SPSB2: variants seen among roughly 807,000 people sequenced by gnomAD.
SPSB2 encodes the protein splA/ryanodine receptor domain and SOCS box containing 2.
A neutral mutation model predicts 19.2 loss-of-function variants in SPSB2; 25 were observed. The ratio of observed to expected loss-of-function variants is 1.30; its 90% CI spans 0.95 to 1.82. The LOEUF (loss-of-function observed/expected upper bound fraction) is 1.82, where lower values mean the gene tolerates loss of function less well. Ranked by LOEUF, SPSB2 falls within the 40% of genes most tolerant of loss-of-function variation. SPSB2 has a pLI of 0.00. For synonymous variants in SPSB2, 153 were observed against 154.9 expected (o/e 0.99, Z 0.09); for missense variants, 413 against 344.9 (o/e 1.20, Z -1.56).
chr12:6,871,107 C>T lies in SPSB2; in HGVS notation c.*85G>A. 6.6e-6 allele frequency: 10 copies of T among 1,517,514 alleles called. No individual in the cohort carries two copies. Among genetic ancestry groups the T allele is most frequent in the Non-Finnish European group, 8.9e-6 (10 of 1,121,204 alleles). The allele number at this position is 1,517,514 out of a possible 1,614,324, so 94.0% of individuals were successfully genotyped here. A position where few individuals can be genotyped will look rare whatever the true frequency, so the allele number is the denominator to read the frequency against. ...GCTCAGCCTCACCAGCTTTCAGCAG[C>T]TGGTCTAGGCCAGCAGTGCCTCCCC... On this transcript the variant is annotated 3_prime_UTR_variant, in exon 3 of 3. Transcript: ENST00000524270.
chr12:6,872,425 C>A lies in SPSB2; in HGVS notation c.477G>T (p.Glu159Asp). 3 of 1,614,250 alleles carry A rather than the reference C, an allele frequency of 1.9e-6. No homozygotes were observed. The highest frequency in any genetic ancestry group is 2.5e-6 in the Non-Finnish European group (3 of 1,180,040). Residue 159 changes from glutamate (E) to aspartate (D), a missense_variant, in exon 2 of 3, where the codon GAG (glutamate) becomes GAT (aspartate). By Grantham distance (45) the Glu-to-Asp change is conservative (BLOSUM62 2). Transcript: ENST00000524270. Reference sequence around the variant, plus strand: ...GCAGTCTCTCTGGCACCTCCAGCTGCTCACCCTGAGTTCCCGCTGGATACT... The same window carrying A: ...GCAGTCTCTCTGGCACCTCCAGCTGATCACCCTGAGTTCCCGCTGGATACT... ...APQYPAGTQG[E>D]QLEVPERLLV... is the part of the protein sequence containing the mutation.
Position 6,872,758 on chromosome 12 carries a change from C to T in SPSB2, c.144G>A (p.Trp48Ter). ...PDLGAQRRHGWNPKDCSENIE... is the reference protein window; with the variant it reads ...PDLGAQRRHG ...TGTTCTCTGAACAGTCTTTGGGGTT[C>T]CAACCGTGGCGCCGCTGGGCCCCCA... The change falls in exon 2 of 3, where the codon TGG becomes TGA. Residue 48 changes from tryptophan (W) to a stop codon, truncating the protein, a stop_gained. Transcript: ENST00000524270. LOFTEE classifies it high-confidence loss of function. 6.2e-7 allele frequency: 1 copy of T among 1,612,616 alleles called. No homozygotes were observed. The highest frequency in any genetic ancestry group is 8.5e-7 in the Non-Finnish European group (1 of 1,180,036).
Position 6,871,117 on chromosome 12 carries a change from C to T in SPSB2, c.*75G>A, listed in dbSNP as rs782758876. 18 of 1,536,814 alleles carry T rather than the reference C, an allele frequency of 1.2e-5. No homozygotes were observed. The highest frequency in any genetic ancestry group is 1.6e-5 in the Non-Finnish European group (18 of 1,136,680). ...ACCAGCTTTCAGCAGCTGGTCTAGG[C>T]CAGCAGTGCCTCCCCACCTCCCCAA... On this transcript the variant is annotated 3_prime_UTR_variant, in exon 3 of 3. Coordinates refer to ENST00000524270, the MANE Select transcript of SPSB2 (RefSeq NM_032641.4).
chr12:6,872,626 C>G lies in SPSB2; in HGVS notation c.276G>C (p.Glu92Asp), dbSNP rs1555134022. ...RGYSRGLHAWEISWPLEQRGT... is the reference protein window; with the variant it reads ...RGYSRGLHAWDISWPLEQRGT... ...CCCTCTGCTCTAGGGGCCAGCTGATCTCCCAGGCGTGCAGGCCCCTTGAAT... is the reference window on the plus strand; with the variant it reads ...CCCTCTGCTCTAGGGGCCAGCTGATGTCCCAGGCGTGCAGGCCCCTTGAAT... The change falls in exon 2 of 3, where the codon GAG becomes GAC. Residue 92 changes from glutamate to aspartate, a missense_variant. Coordinates refer to ENST00000524270, the MANE Select transcript of SPSB2 (RefSeq NM_032641.4). The G allele has an allele frequency of 6.8e-6, 11 of 1,610,770 alleles. No homozygotes were observed. Among genetic ancestry groups the G allele is most frequent in the Non-Finnish European group, 9.3e-6 (11 of 1,179,812 alleles).
In SPSB2 at chr12:6,871,383, A is replaced by G. The variant is rs1555133440; in HGVS notation, c.665-64T>C. The stretch of plus-strand genomic sequence containing the variant: ...GCCACCAGCCAGATGTCCTCAAACT[A>G]CGGGGTCCTACTCAGATGCCTTTCT... On this transcript the variant is annotated intron_variant, in intron 2 of 2. Transcript: ENST00000524270. 2.6e-6 allele frequency: 4 copies of G among 1,549,604 alleles called. No homozygotes were observed. In the East Asian group the frequency reaches 6.8e-5, roughly 26 times the overall value.
chr12:6,871,397 A>G (rs1382690726), intron 2 of SPSB2, 78 bp from the exon 3 acceptor site: 3 of 1,481,374 alleles, frequency 2.0e-6, no homozygotes, highest in Non-Finnish European at 2.7e-6. Flanking sequence ...GGTCCTACTC[A>G]GATGCCTTTC....
chr12:6,873,251 T>C lies in SPSB2; in HGVS notation c.-102A>G. The C allele has an allele frequency of 4.5e-6, 1 of 220,150 alleles. No homozygotes were observed. The highest frequency in any genetic ancestry group is 8.9e-6 in the Non-Finnish European group (1 of 112,040). The allele number at this position is 220,150 out of a possible 1,614,324, so 13.6% of individuals were successfully genotyped here. A position where few individuals can be genotyped will look rare whatever the true frequency, so the allele number is the denominator to read the frequency against. The stretch of plus-strand genomic sequence containing the variant: ...CCTCGCCGCTGCCCCCGAACCTCGG[T>C]TGACTTCCCAGCCCTGGAGGTCGCC... On this transcript the variant is annotated 5_prime_UTR_variant, in exon 1 of 3. Coordinates refer to ENST00000524270, the MANE Select transcript of SPSB2 (RefSeq NM_032641.4).
chr12:6,871,969 C>T (rs1555133574), intron 2 of SPSB2: 5 of 1,443,096 alleles, frequency 3.5e-6, no homozygotes, highest in Non-Finnish European at 2.7e-6. Context: ...TTCTCTCATC[C>T]CTGCAGTTCC....
chr12:6,871,900 A>T, intron 2 of SPSB2: 1 of 1,112,688 alleles, frequency 9.0e-7, no homozygotes, highest in Non-Finnish European at 1.2e-6. Flanking sequence ...TTGGACCTGT[A>T]CATCAAACCC....
In SPSB2 at chr12:6,872,875, G is replaced by GCTA. The variant is rs1944628462; in HGVS notation, c.26_27insTAG (p.Ser12dup). 1 of 1,589,768 alleles carries GCTA rather than the reference G, an allele frequency of 6.3e-7. No individual in the cohort carries two copies. The highest frequency in any genetic ancestry group is 1.3e-5 in the African/African-American group (1 of 74,426). On this transcript the variant is annotated inframe_insertion, in exon 2 of 3. Transcript: ENST00000524270. ...CCTGTGGCGTGGGGGTGCTGCTGCT[G>GCTA]CCCCCTGCCAGAGCTGTCTGGCCCA...
In SPSB2 at chr12:6,872,496, C is replaced by G; in HGVS notation, c.406G>C (p.Gly136Arg). 1 of 1,612,844 alleles carries G rather than the reference C, an allele frequency of 6.2e-7. No homozygotes were observed. The highest frequency in any genetic ancestry group is 8.5e-7 in the Non-Finnish European group (1 of 1,179,806). The change falls in exon 2 of 3, where the codon GGG becomes CGG. Residue 136 changes from glycine to arginine, a missense_variant. By Grantham distance (125) the Gly-to-Arg change is moderately radical. Transcript: ENST00000524270. ...CTCTGATGGTACAGCTTCCCCCGCC[C>G]GATGTCCCAGCCCCACGACTCGCTG... is the stretch of plus-strand genomic sequence containing the variant. Reference protein sequence around the residue: ...SNSESWGWDIGRGKLYHQSKG... With the variant: ...SNSESWGWDIRRGKLYHQSKG...
chr12:6,872,146 T>C lies in SPSB2; in HGVS notation c.664+92A>G, dbSNP rs1591621076. The C allele has an allele frequency of 2.5e-6, 4 of 1,612,906 alleles. No individual in the cohort carries two copies. The African/African-American group carries it at 5.3e-5, about 22-fold the overall frequency. ...GAGGTTGAGGCAGGCTGGATGAAGG[T>C]CCATCCCCTCTGCTCTTGTCAGAAG... On this transcript the variant is annotated intron_variant, in intron 2 of 2. Coordinates refer to ENST00000524270, the MANE Select transcript of SPSB2 (RefSeq NM_032641.4).
intron 2 of SPSB2, chr12:6,871,845 G>A: frequency 3.3e-6 from 2 of 599,942 alleles, no homozygotes; most frequent in Non-Finnish European, 5.5e-6. Context: ...AGAGCCCAGG[G>A]AATCCGGTAT....
chr12:6,872,247 C>G lies in SPSB2; in HGVS notation c.655G>C (p.Glu219Gln). ...QCQVRIRYLG[E>Q]RRAEPHSLLH... ...CTGCCCCAGGCCTCACCTCTCCTTTCGCCCAGGTAGCGGATGCGGACCTGG... is the reference window on the plus strand; with the variant it reads ...CTGCCCCAGGCCTCACCTCTCCTTTGGCCCAGGTAGCGGATGCGGACCTGG... The change falls in exon 2 of 3, where the codon GAA (glutamate) becomes CAA (glutamine). Residue 219 changes from glutamate (E) to glutamine (Q), a missense_variant. By Grantham distance (29) the Glu-to-Gln change is conservative (BLOSUM62 2). Coordinates refer to ENST00000524270, the MANE Select transcript of SPSB2 (RefSeq NM_032641.4). The G allele has an allele frequency of 6.2e-7, 1 of 1,614,150 alleles. No homozygotes were observed. Among genetic ancestry groups the G allele is most frequent in the Non-Finnish European group, 8.5e-7 (1 of 1,180,032 alleles).
At position 6,872,958 on chromosome 12, in the gene SPSB2, C is replaced by G; in HGVS notation, c.-57G>C. On this transcript the variant is annotated 5_prime_UTR_variant, in exon 2 of 3. Coordinates refer to ENST00000524270, the MANE Select transcript of SPSB2 (RefSeq NM_032641.4). ...AGGCTTGCTGGGGCGTCTTTCTCTT[C>G]TGAAAGTTGAGCTCCAGTTTGGATT... 1 of 1,277,230 alleles carries G rather than the reference C, an allele frequency of 7.8e-7. No individual in the cohort carries two copies. Among genetic ancestry groups the G allele is most frequent in the Non-Finnish European group, 1.1e-6 (1 of 926,764 alleles). 79.1% of individuals were successfully genotyped at this position (1,277,230 alleles called of 1,614,324 possible).
At chr12:6,872,194 C>T in intron 2 of SPSB2, 44 bp downstream of exon 2, 10 of 1,613,878 alleles carry the variant, frequency 6.2e-6, no homozygotes, top group Non-Finnish European at 7.6e-6. Flanking sequence ...AAACCACTGC[C>T]ACCAGGGACA....
rs1191564256 is a variant in SPSB2 at position 6,871,113 on chromosome 12, T to G, written c.*79A>C. ...CCTCACCAGCTTTCAGCAGCTGGTC[T>G]AGGCCAGCAGTGCCTCCCCACCTCC... On this transcript the variant is annotated 3_prime_UTR_variant, in exon 3 of 3. Coordinates refer to ENST00000524270, the MANE Select transcript of SPSB2 (RefSeq NM_032641.4). 1.3e-6 allele frequency: 2 copies of G among 1,532,320 alleles called. No homozygotes were observed. Among genetic ancestry groups the G allele is most frequent in the Non-Finnish European group, 1.8e-6 (2 of 1,133,088 alleles). The allele number at this position is 1,532,320 out of a possible 1,614,324, so 94.9% of individuals were successfully genotyped here.
intron 2 of SPSB2, chr12:6,871,886 T>G (rs1944601870): frequency 2.0e-6 from 2 of 984,792 alleles, no homozygotes; most frequent in Non-Finnish European, 1.4e-6. Flanking sequence ...TGCCCATCCT[T>G]CTTTTGGACC....
In SPSB2 at chr12:6,872,485, C is replaced by A. The variant is rs1555133870; in HGVS notation, c.417G>T (p.Lys139Asn). ...ESWGWDIGRG[K>N]LYHQSKGPGA... is the part of the protein sequence containing the mutation. The stretch of plus-strand genomic sequence containing the variant: ...CGGGCCCCTTGCTCTGATGGTACAG[C>A]TTCCCCCGCCCGATGTCCCAGCCCC... The change falls in exon 2 of 3, where the codon AAG becomes AAT. Residue 139 changes from lysine to asparagine, a missense_variant. Coordinates refer to ENST00000524270, the MANE Select transcript of SPSB2 (RefSeq NM_032641.4). 6.2e-7 allele frequency: 1 copy of A among 1,613,328 alleles called. No homozygotes were observed. The highest frequency in any genetic ancestry group is 8.5e-7 in the Non-Finnish European group (1 of 1,179,842).
Sources: gnomAD v4.1 joint callset for allele counts on GRCh38, gnomAD v4.1.1 for gene constraint, MANE v1.5 for transcripts, NCBI Gene and HGNC (gene_info 2026-07-23, HGNC 2026-07-21) for gene names.